The following KLF8 variants were observed in gnomAD, a reference collection of about 807,000 sequenced individuals.
The protein encoded by KLF8 is Krueppel-like factor 8.
A neutral mutation model predicts 18.2 loss-of-function variants in KLF8; 10 were observed. The observed-to-expected ratio is 0.55, with a 90% CI of 0.34 to 0.93. The LOEUF is 0.93. Ranked by LOEUF, KLF8 falls within the 40% of genes least tolerant of loss-of-function variation. The pLI, the probability that KLF8 is intolerant of heterozygous loss-of-function variation, is 0.02. For synonymous variants in KLF8, 109 were observed against 97.3 expected, an observed-to-expected ratio of 1.12 and a Z score of -0.71; for missense variants, 264 against 277.9, an observed-to-expected ratio of 0.95 and a Z score of 0.36.
the KLF8 span, among the ~76,000 whole-genome samples, chrX:56,165,075 C>T: frequency 9.3e-6 from 1 of 107,521 alleles, no homozygotes; most frequent in Non-Finnish European, 1.9e-5. Flanking sequence ...CTACAAAGAA[C>T]ATGAACTCAT....
chrX:56,232,053 C>T (rs2066766058), upstream of KLF8, among the ~76,000 whole-genome samples: 2 of 111,341 alleles, frequency 1.8e-5, no homozygotes, highest in Admixed American at 9.6e-5. Context: ...TTCCAGTTGT[C>T]AGCTTTTTTG....
the KLF8 span, among the ~76,000 whole-genome samples, chrX:56,123,303 A>AAGAAAG: frequency 3.1e-4 from 23 of 74,572 alleles, no homozygotes; most frequent in African/African-American, 1.1e-3. Context: ...AAGAAAGAGA[A>AAGAAAG]AGAAAGAAAG....
At chrX:55,993,607 C>T in the KLF8 span, among the ~76,000 whole-genome samples, 1 of 112,050 alleles carries the variant, frequency 8.9e-6, no homozygotes, top group East Asian at 2.8e-4. Flanking sequence ...CCCAATGATG[C>T]TGGCCTTATA....
chrX:56,182,783 A>G, the KLF8 span, among the ~76,000 whole-genome samples: 1 of 112,610 alleles, frequency 8.9e-6, no homozygotes, highest in East Asian at 2.8e-4. Context: ...TGCAGAGCAG[A>G]AAATATTGCA....
the KLF8 span, among the ~76,000 whole-genome samples, chrX:56,066,174 G>A: frequency 8.9e-6 from 1 of 112,079 alleles, no homozygotes; most frequent in Non-Finnish European, 1.9e-5. Flanking sequence ...GATATGCTGT[G>A]CACAAAAGTA....
the KLF8 span, among the ~76,000 whole-genome samples, chrX:56,025,888 C>T: frequency 8.9e-6 from 1 of 112,453 alleles, no homozygotes; most frequent in East Asian, 2.8e-4. Context: ...AACTTGTTGT[C>T]CTACCTCAGT....
intron 5 of KLF8, among the ~76,000 whole-genome samples, chrX:56,283,740 T>G (rs2067233249): frequency 8.9e-6 from 1 of 112,306 alleles, no homozygotes; most frequent in Non-Finnish European, 1.9e-5. Context: ...GCCAAAGACC[T>G]GAGTTTAGAT....
At chrX:56,110,918 GAA>G in the KLF8 span, among the ~76,000 whole-genome samples, 15 of 111,232 alleles carry the variant, frequency 1.3e-4, no homozygotes, top group East Asian at 3.4e-3. Context: ...TACCTTTACT[GAA>G]GTTTTTTTAT....
chrX:56,186,760 C>A, the KLF8 span, among the ~76,000 whole-genome samples: 4 of 112,047 alleles, frequency 3.6e-5, no homozygotes, highest in African/African-American at 1.3e-4. Context: ...ACTGAACAAC[C>A]TGCTCCTGAA....
At chrX:56,043,625 A>T in the KLF8 span, among the ~76,000 whole-genome samples, 6 of 110,852 alleles carry the variant, frequency 5.4e-5, no homozygotes, top group Non-Finnish European at 9.5e-5. Context: ...GATACTTGTG[A>T]TTGATGTTGT....
chrX:56,045,422 T>C, the KLF8 span, among the ~76,000 whole-genome samples: 3 of 111,816 alleles, frequency 2.7e-5, no homozygotes, highest in Admixed American at 9.5e-5. Context: ...TTATTTTTTC[T>C]AGTTCTGTAA....
chrX:56,106,490 C>A, the KLF8 span, among the ~76,000 whole-genome samples: 1 of 111,931 alleles, frequency 8.9e-6, no homozygotes, highest in Non-Finnish European at 1.9e-5. Flanking sequence ...CCCTTTCTTC[C>A]ATTTGATCGA....
chrX:56,084,367 T>A, the KLF8 span, among the ~76,000 whole-genome samples: 1 of 110,495 alleles, frequency 9.1e-6, no homozygotes, highest in Non-Finnish European at 1.9e-5. Context: ...TGGGCCATAG[T>A]GAGACCCTGA....
At chrX:56,135,181 C>A in the KLF8 span, among the ~76,000 whole-genome samples, 4 of 111,055 alleles carry the variant, frequency 3.6e-5, 1 homozygote, top group Admixed American at 2.9e-4. Flanking sequence ...TACCATTTGA[C>A]CCAGCCATCC....
Position 56,286,069 on chromosome X carries a change from C to A in KLF8, c.*1575C>A, listed in dbSNP as rs1162860839. 9.0e-6 allele frequency: 1 copy of A among 111,404 alleles called. No homozygotes were observed. Among genetic ancestry groups the A allele is most frequent in the Non-Finnish European group, 1.9e-5 (1 of 53,118 alleles). 9.2% of individuals were successfully genotyped at this position (111,404 alleles called of 1,213,427 possible). On this transcript the variant is annotated 3_prime_UTR_variant, in exon 6 of 6. Coordinates refer to ENST00000468660, the MANE Select transcript of KLF8 (RefSeq NM_007250.5). ...CATCCCTCATATTTTACAGATGAGA[C>A]AAATACGGGTCAGATTTTTTTCTCC...
chrX:56,119,284 G>A, the KLF8 span, among the ~76,000 whole-genome samples: 1 of 111,186 alleles, frequency 9.0e-6, no homozygotes, highest in Non-Finnish European at 1.9e-5. Context: ...AGAATGAAAA[G>A]GTTGCCTCTG....
chrX:55,984,077 G>A, the KLF8 span, among the ~76,000 whole-genome samples: 10 of 108,797 alleles, frequency 9.2e-5, no homozygotes, highest in Non-Finnish European at 1.7e-4. Context: ...TATGGTATAT[G>A]TGTATATATA....
the KLF8 span, among the ~76,000 whole-genome samples, chrX:56,044,498 C>T: frequency 8.9e-6 from 1 of 112,314 alleles, no homozygotes; most frequent in African/African-American, 3.2e-5. Context: ...TAGCAATCTG[C>T]CTGGATTGTC....
chrX:55,970,235 G>A, the KLF8 span, among the ~76,000 whole-genome samples: 1 of 111,008 alleles, frequency 9.0e-6, no homozygotes, highest in African/African-American at 3.3e-5. Flanking sequence ...TCATGATTAA[G>A]TGGATTTATT....
Sources: gnomAD v4.1 joint callset for allele counts (sites outside exome capture counted in the v4.1 genomes callset) on GRCh38, gnomAD v4.1.1 for gene constraint, MANE v1.5 for transcripts, NCBI Gene and HGNC (gene_info 2026-07-23, HGNC 2026-07-21) for gene names.